The following DLG2 variants were observed in gnomAD, a reference collection of about 807,000 sequenced individuals.
DLG2 encodes the protein disks large homolog 2.
DLG2 carries 45 observed loss-of-function variants against 132.5 expected under a neutral mutation model. The ratio of observed to expected loss-of-function variants is 0.34; its 90% CI spans 0.27 to 0.44. The LOEUF (loss-of-function observed/expected upper bound fraction) is 0.44, where lower values mean the gene tolerates loss of function less well. DLG2 is among the 20% of genes least tolerant of loss of function. The pLI is 1.00. For synonymous variants in DLG2, 424 were observed against 419.6 expected, an observed-to-expected ratio of 1.01 and a Z score of -0.13; for missense variants, 1,045 against 1,196.9, an observed-to-expected ratio of 0.87 and a Z score of 1.87.
At chr11:84,082,055 G>A (rs912191433) in intron 10 of DLG2, among the ~76,000 whole-genome samples, 7 of 152,132 alleles carry the variant, frequency 4.6e-5, no homozygotes, top group Middle Eastern at 3.4e-3. Context: ...GTTTTGATTT[G>A]CATTTCTCTG....
intron 6 of DLG2, among the ~76,000 whole-genome samples, chr11:84,666,427 T>C (rs562030064): frequency 1.1e-4 from 17 of 152,310 alleles, no homozygotes; most frequent in Admixed American, 5.2e-4. Flanking sequence ...TCTTTAATCA[T>C]GAATTCCAAT....
chr11:84,380,109 A>G (rs1420709757), intron 7 of DLG2, among the ~76,000 whole-genome samples: 1 of 152,116 alleles, frequency 6.6e-6, no homozygotes, highest in African/African-American at 2.4e-5. Flanking sequence ...AAAGAATAAA[A>G]TAAAAACATT....
At chr11:83,831,613 G>A (rs903427475) in intron 17 of DLG2, among the ~76,000 whole-genome samples, 1 of 151,838 alleles carries the variant, frequency 6.6e-6, no homozygotes, top group Non-Finnish European at 1.5e-5. Context: ...ACAAATATAA[G>A]GTAAATTATA....
chr11:85,601,633 C>T (rs563809977), intron 2 of DLG2, among the ~76,000 whole-genome samples: 5 of 152,252 alleles, frequency 3.3e-5, no homozygotes, highest in African/African-American at 9.6e-5. Context: ...GCCACCGTGC[C>T]AGGCTTTAAC....
intron 6 of DLG2, among the ~76,000 whole-genome samples, chr11:84,821,320 G>A (rs10898301): frequency 0.27 from 41,242 of 151,326 alleles, 6,011 homozygotes; most frequent in Middle Eastern, 0.33. Context: ...TTTATGAAAC[G>A]CAGATAGAAA....
chr11:83,458,386 T>G lies in DLG2; in HGVS notation c.*1432A>C, dbSNP rs565374398. ...CCAGGTGCAGCTCCAAGAAAGGCAG[T>G]TCAGTTGGTTGAGCTCAAAGTCATT... On this transcript the variant is annotated 3_prime_UTR_variant, in exon 28 of 28. Coordinates refer to ENST00000376104, the MANE Select transcript of DLG2 (RefSeq NM_001142699.3). 6.5e-6 allele frequency: 1 copy of G among 152,698 alleles called. No individual in the cohort carries two copies. The highest frequency in any genetic ancestry group is 1.9e-4 in the East Asian group (1 of 5,180). The allele number at this position is 152,698 out of a possible 1,614,324, so 9.5% of individuals were successfully genotyped here. A position where few individuals can be genotyped will look rare whatever the true frequency, so the allele number is the denominator to read the frequency against.
chr11:85,436,306 A>G (rs958282252), intron 3 of DLG2, among the ~76,000 whole-genome samples: 3 of 152,338 alleles, frequency 2.0e-5, no homozygotes, highest in East Asian at 3.9e-4. Flanking sequence ...CAAAATTGAC[A>G]AATCAGTCCT....
At chr11:84,247,476 T>C (rs887694973) in intron 8 of DLG2, among the ~76,000 whole-genome samples, 1 of 152,058 alleles carries the variant, frequency 6.6e-6, no homozygotes, top group African/African-American at 2.4e-5. Flanking sequence ...AGTGGAAAAA[T>C]ATCTTTCCTT....
chr11:84,214,327 G>A (rs2096805433), intron 8 of DLG2, among the ~76,000 whole-genome samples: 4 of 146,676 alleles, frequency 2.7e-5, no homozygotes, highest in Admixed American at 2.7e-4. Context: ...GTTTATATAT[G>A]TTTTTATGTG....
intron 14 of DLG2, among the ~76,000 whole-genome samples, chr11:83,946,403 C>T (rs2083977128): frequency 6.6e-6 from 1 of 152,148 alleles, no homozygotes; most frequent in Non-Finnish European, 1.5e-5. Flanking sequence ...GTTTTTGACA[C>T]TTATGTCCCA....
At chr11:84,594,085 A>G (rs942755916) in intron 6 of DLG2, among the ~76,000 whole-genome samples, 6 of 152,172 alleles carry the variant, frequency 3.9e-5, no homozygotes, top group Non-Finnish European at 7.4e-5. Flanking sequence ...TAGAGGAAGG[A>G]AAGAATGGTT....
intron 6 of DLG2, among the ~76,000 whole-genome samples, chr11:84,588,551 T>C: frequency 6.6e-6 from 1 of 152,124 alleles, no homozygotes; most frequent in Non-Finnish European, 1.5e-5. Flanking sequence ...AGCCCTTTTG[T>C]CAGAGGCATT....
At chr11:84,090,516 ATCTTAC>A (rs1459225168) in intron 10 of DLG2, among the ~76,000 whole-genome samples, 1 of 152,106 alleles carries the variant, frequency 6.6e-6, no homozygotes, top group African/African-American at 2.4e-5. Context: ...TAAAAGTTTC[ATCTTAC>A]TCTTAATCAA....
chr11:84,635,777 C>T (rs2099639584), intron 6 of DLG2, among the ~76,000 whole-genome samples: 1 of 151,874 alleles, frequency 6.6e-6, no homozygotes, highest in Non-Finnish European at 1.5e-5. Flanking sequence ...AGTTAAGAAA[C>T]CTCCTCCCAC....
At position 84,363,218 on chromosome 11, in the gene DLG2, G is replaced by A. The variant is rs1387850309; in HGVS notation, c.520-111927C>T. Among the ~76,000 whole-genome samples the A allele has an allele frequency of 2.0e-5, 3 of 152,152 alleles. No individual in the cohort carries two copies. The East Asian group carries it at 5.8e-4, about 29-fold the overall frequency. ...ATCGCCATTCTAACTGGTGTGATAT[G>A]ATATCTCATTGTGGTTTTGATTTGC... On this transcript the variant is annotated intron_variant, in intron 7 of 27. Transcript: ENST00000376104.
At chr11:83,479,095 A>G (rs998133344) in intron 22 of DLG2, among the ~76,000 whole-genome samples, 3 of 152,072 alleles carry the variant, frequency 2.0e-5, no homozygotes, top group Non-Finnish European at 4.4e-5. Flanking sequence ...TCAATCAATA[A>G]AACTTTCATC....
intron 6 of DLG2, among the ~76,000 whole-genome samples, chr11:85,013,629 A>G (rs2059331568): frequency 6.6e-6 from 1 of 152,208 alleles, no homozygotes; most frequent in African/African-American, 2.4e-5. Flanking sequence ...GCACAAGTAA[A>G]TATCTAGCTC....
At chr11:85,033,672 G>C (rs2061212975) in intron 6 of DLG2, among the ~76,000 whole-genome samples, 1 of 152,152 alleles carries the variant, frequency 6.6e-6, no homozygotes, top group South Asian at 2.1e-4. Flanking sequence ...TTTGACCTTG[G>C]CAATGTCATT....
chr11:85,497,680 A>T (rs534997964), intron 3 of DLG2, among the ~76,000 whole-genome samples: 1 of 152,294 alleles, frequency 6.6e-6, no homozygotes, highest in South Asian at 2.1e-4. Context: ...AACCAGAGAG[A>T]AAGGTCAGGT....
Sources: allele counts gnomAD v4.1 joint callset (sites outside exome capture counted in the v4.1 genomes callset), GRCh38; gene constraint gnomAD v4.1.1; transcripts MANE v1.5; gene names NCBI Gene and HGNC (gene_info 2026-07-23, HGNC 2026-07-21).